The following HLA-DQB2 variants were observed in gnomAD, a reference collection of about 807,000 sequenced individuals.
The protein encoded by HLA-DQB2 is major histocompatibility complex, class II, DQ beta 2, also known as HLA class II histocompatibility antigen, DQ beta 2 chain.
HLA-DQB2 carries 24 observed loss-of-function variants against 29.2 expected under a neutral mutation model. The ratio of observed to expected loss-of-function variants is 0.82; its 90% CI spans 0.60 to 1.16. HLA-DQB2 has a LOEUF of 1.16. Ranked by LOEUF, HLA-DQB2 falls within the 50% of genes most tolerant of loss-of-function variation. HLA-DQB2 has a pLI of 0.00. For missense variants in HLA-DQB2, 273 were observed against 343.6 expected (o/e 0.79, Z 1.62); for synonymous variants, 104 against 133.1 (o/e 0.78, Z 1.51).
chr6:32,758,601 G>T (rs1764482997), intron 3 of HLA-DQB2, among the ~76,000 whole-genome samples: 1 of 152,200 alleles, frequency 6.6e-6, no homozygotes, highest in African/African-American at 2.4e-5. Context: ...CTCAGTCTCA[G>T]AGATTTCTTT....
intron 5 of HLA-DQB2, chr6:32,756,958 C>A: frequency 8.2e-7 from 1 of 1,221,014 alleles, no homozygotes; most frequent in Non-Finnish European, 1.0e-6. Context: ...TAAGTCTTAA[C>A]CCTCATAGCA....
intron 3 of HLA-DQB2, among the ~76,000 whole-genome samples, chr6:32,758,476 C>A (rs1296548383): frequency 1.3e-5 from 2 of 152,234 alleles, no homozygotes; most frequent in East Asian, 3.8e-4. Context: ...GCTTCCCCTA[C>A]AGCCTCAGAA....
At position 32,757,047 on chromosome 6, in the gene HLA-DQB2, T is replaced by A. The variant is rs1764320333; in HGVS notation, c.781+234A>T. The A allele has an allele frequency of 5.1e-6, 7 of 1,375,214 alleles. No homozygotes were observed. In the East Asian group the frequency reaches 1.9e-4, roughly 38 times the overall value. The allele number at this position is 1,375,214 out of a possible 1,614,324, so 85.2% of individuals were successfully genotyped here. On this transcript the variant is annotated intron_variant, in intron 5 of 5. Coordinates refer to ENST00000437316, the MANE Select transcript of HLA-DQB2 (RefSeq NM_001300790.2). ...CTTCTTTTTTTTTTTTGAGACAGAC[T>A]CTAGCTCTATCGCCCAGACTGGAGT...
In HLA-DQB2 at chr6:32,763,336, A is replaced by G. The variant is rs796620113; in HGVS notation, c.97+38T>C. The G allele has an allele frequency of 1.6e-5, 20 of 1,243,166 alleles. No individual in the cohort carries two copies. The African/African-American group carries it at 2.4e-4, about 15-fold the overall frequency. 77.0% of individuals were successfully genotyped at this position (1,243,166 alleles called of 1,614,324 possible). Reference sequence around the variant, plus strand: ...TCCAACCCAAGGAGAGCCTGTTCCCACAGTGGTGGCTCTCGAGAGCAGCTG... The same window carrying G: ...TCCAACCCAAGGAGAGCCTGTTCCCGCAGTGGTGGCTCTCGAGAGCAGCTG... On this transcript the variant is annotated intron_variant, in intron 1 of 5. Transcript: ENST00000437316.
At position 32,761,752 on chromosome 6, in the gene HLA-DQB2, T is replaced by C. The variant is rs768235138; in HGVS notation, c.272A>G (p.Tyr91Cys). 1 of 1,562,094 alleles carries C rather than the reference T, an allele frequency of 6.4e-7. No homozygotes were observed. Among genetic ancestry groups the C allele is most frequent in the Non-Finnish European group, 8.7e-7 (1 of 1,153,436 alleles). Reference sequence around the variant, plus strand: ...CCGCTCCTGCTCCAAGAAGTCCTTATAGTTGTTCCAGTCCTCGATGCTCCG... The same window carrying C: ...CCGCTCCTGCTCCAAGAAGTCCTTACAGTTGTTCCAGTCCTCGATGCTCCG... Reference protein sequence around the residue: ...LGRSIEDWNNYKDFLEQERAA... With the variant: ...LGRSIEDWNNCKDFLEQERAA... The change falls in exon 2 of 6, where the codon TAT becomes TGT. Residue 91 changes from tyrosine (Y) to cysteine (C), a missense_variant. Coordinates refer to ENST00000437316, the MANE Select transcript of HLA-DQB2 (RefSeq NM_001300790.2).
In HLA-DQB2 at chr6:32,759,123, T is replaced by C; in HGVS notation, c.373A>G (p.Thr125Ala). 1 of 1,613,402 alleles carries C rather than the reference T, an allele frequency of 6.2e-7. No homozygotes were observed. Among genetic ancestry groups the C allele is most frequent in the South Asian group, 1.1e-5 (1 of 91,062 alleles). ...GTCCTGGATGGGGAGATGGTCACTG[T>C]GGGCTCCACTGAGGGCAGTAACAGA... ...RTTLQRQVEP[T>A]VTISPSRTEA... The change falls in exon 3 of 6, where the codon ACA becomes GCA. Residue 125 changes from threonine to alanine, a missense_variant. Coordinates refer to ENST00000437316, the MANE Select transcript of HLA-DQB2 (RefSeq NM_001300790.2).
intron 3 of HLA-DQB2, among the ~76,000 whole-genome samples, 172 bp from the exon 4 acceptor site, chr6:32,758,055 A>G (rs9276576): frequency 0.17 from 26,359 of 152,032 alleles, 2,367 homozygotes; most frequent in Non-Finnish European, 0.19. Flanking sequence ...AGGAAGAAGC[A>G]CACCCCTGCC....
At chr6:32,760,649 A>T (rs1224434880) in intron 2 of HLA-DQB2, among the ~76,000 whole-genome samples, 1 of 152,356 alleles carries the variant, frequency 6.6e-6, no homozygotes, top group East Asian at 1.9e-4. Context: ...TCCAAAAGCA[A>T]CCTGAAACTA....
chr6:32,762,719 A>C (rs980614098), intron 1 of HLA-DQB2, among the ~76,000 whole-genome samples: 2 of 152,178 alleles, frequency 1.3e-5, no homozygotes, highest in Non-Finnish European at 2.9e-5. Context: ...GATTTATAGA[A>C]AGTACTGTCC....
intron 3 of HLA-DQB2, among the ~76,000 whole-genome samples, chr6:32,758,411 C>G (rs1470532730): frequency 6.6e-6 from 1 of 152,192 alleles, no homozygotes; most frequent in East Asian, 1.9e-4. Flanking sequence ...TCCCTCTTTT[C>G]CTTCTGCCAT....
In HLA-DQB2 at chr6:32,757,027, T is replaced by TTC. The variant is rs796827818; in HGVS notation, c.781+253_781+254insGA. 2.4e-3 allele frequency: 3,136 copies of TTC among 1,313,782 alleles called. 7 individuals are homozygous for TTC. The highest frequency in any genetic ancestry group is 8.6e-3 in the African/African-American group (573 of 66,892). 81.4% of individuals were successfully genotyped at this position (1,313,782 alleles called of 1,614,324 possible). ...TGGAACACTCCGCTCATGCTCTTCTTTTTTTTTTTTGAGACAGACTCTAGC... is the reference window on the plus strand; with the variant it reads ...TGGAACACTCCGCTCATGCTCTTCTTTCTTTTTTTTTTGAGACAGACTCTAGC... On this transcript the variant is annotated intron_variant, in intron 5 of 5. Transcript: ENST00000437316.
intron 3 of HLA-DQB2, 73 bp from the exon 4 acceptor site, chr6:32,757,956 T>C (rs542837299): frequency 9.1e-6 from 10 of 1,093,550 alleles, no homozygotes. Context: ...GGTGGAGATG[T>C]CAGGGGACAC....
At position 32,757,753 on chromosome 6, in the gene HLA-DQB2, T is replaced by A; in HGVS notation, c.757+20A>T. The A allele has an allele frequency of 6.3e-7, 1 of 1,596,246 alleles. No individual in the cohort carries two copies. The highest frequency in any genetic ancestry group is 8.6e-7 in the Non-Finnish European group (1 of 1,169,342). On this transcript the variant is annotated intron_variant, in intron 4 of 5. Coordinates refer to ENST00000437316, the MANE Select transcript of HLA-DQB2 (RefSeq NM_001300790.2). ...CTGGGTCACAGCTCATCTTCCCCAT[T>A]TCCCCCTTGGGTTCCTCACCTTTCT...
chr6:32,756,317 A>T lies in HLA-DQB2; in HGVS notation c.*136T>A. The T allele has an allele frequency of 2.9e-6, 2 of 679,682 alleles. No individual in the cohort carries two copies. Among genetic ancestry groups the T allele is most frequent in the Non-Finnish European group, 5.4e-6 (2 of 369,070 alleles). The allele number at this position is 679,682 out of a possible 1,614,324, so 42.1% of individuals were successfully genotyped here. Reference sequence around the variant, plus strand: ...CTTGGGATGGGGATCACAGAAGGTGACCTGTGGCTGCATGAGCCACTGTAG... The same window carrying T: ...CTTGGGATGGGGATCACAGAAGGTGTCCTGTGGCTGCATGAGCCACTGTAG... On this transcript the variant is annotated 3_prime_UTR_variant, in exon 6 of 6. Transcript: ENST00000437316.
At chr6:32,761,424 T>C (rs1172267485) in intron 2 of HLA-DQB2, among the ~76,000 whole-genome samples, 2 of 152,210 alleles carry the variant, frequency 1.3e-5, no homozygotes, top group African/African-American at 4.8e-5. Context: ...GGGGACACAC[T>C]GGGCAGCCTA....
chr6:32,758,395 C>T (rs776758851), intron 3 of HLA-DQB2, among the ~76,000 whole-genome samples: 5 of 152,140 alleles, frequency 3.3e-5, no homozygotes, highest in African/African-American at 1.2e-4. Context: ...CTGTGAGACA[C>T]CTCACTCCCT....
chr6:32,761,930 C>A lies in HLA-DQB2; in HGVS notation c.98-4G>T. The stretch of plus-strand genomic sequence containing the variant: ...TTAAACTGGACCAAGAAATCCTCTG[C>A]GGAGAATCACGGCGGGTCAGTCAGG... On this transcript the variant is annotated splice_region_variant and splice_polypyrimidine_tract_variant and intron_variant, in intron 1 of 5. Coordinates refer to ENST00000437316, the MANE Select transcript of HLA-DQB2 (RefSeq NM_001300790.2). The A allele has an allele frequency of 6.2e-7, 1 of 1,604,814 alleles. No individual in the cohort carries two copies. The highest frequency in any genetic ancestry group is 8.5e-7 in the Non-Finnish European group (1 of 1,176,276).
At chr6:32,759,223 G>A in intron 2 of HLA-DQB2, 92 bp from the exon 3 acceptor site, 2 of 1,464,610 alleles carry the variant, frequency 1.4e-6, no homozygotes, top group Non-Finnish European at 1.8e-6. Context: ...CTTGGAACCA[G>A]AATAGAAAGA....
chr6:32,756,318 C>T lies in HLA-DQB2; in HGVS notation c.*135G>A, dbSNP rs1764259064. 1.5e-6 allele frequency: 1 copy of T among 682,568 alleles called. No homozygotes were observed. The highest frequency in any genetic ancestry group is 2.2e-5 in the Admixed American group (1 of 45,554). The allele number at this position is 682,568 out of a possible 1,614,324, so 42.3% of individuals were successfully genotyped here. ...TTGGGATGGGGATCACAGAAGGTGACCTGTGGCTGCATGAGCCACTGTAGG... is the reference window on the plus strand; with the variant it reads ...TTGGGATGGGGATCACAGAAGGTGATCTGTGGCTGCATGAGCCACTGTAGG... On this transcript the variant is annotated 3_prime_UTR_variant, in exon 6 of 6. Transcript: ENST00000437316.
Sources: gnomAD v4.1 joint callset for allele counts (sites outside exome capture counted in the v4.1 genomes callset) on GRCh38, gnomAD v4.1.1 for gene constraint, MANE v1.5 for transcripts, NCBI Gene and HGNC (gene_info 2026-07-23, HGNC 2026-07-21) for gene names.